Variants in CASP10 observed in about 807,000 individuals in gnomAD.
The protein encoded by CASP10 is caspase 10, also known as caspase-10.
A neutral mutation model predicts 48.5 loss-of-function variants in CASP10; 41 were observed. The observed-to-expected ratio is 0.85, with a 90% CI of 0.66 to 1.10. The LOEUF is 1.10. Among genes scored for constraint, CASP10 ranks in the 50% least tolerant of loss-of-function variants. The pLI is 0.00. For synonymous variants in CASP10, 232 were observed against 238.4 expected, an observed-to-expected ratio of 0.97 and a Z score of 0.25; for missense variants, 614 against 614.5, an observed-to-expected ratio of 1.00 and a Z score of 0.01.
chr2:201,196,518 A>G (rs1436058513), intron 5 of CASP10, among the ~76,000 whole-genome samples: 2 of 152,154 alleles, frequency 1.3e-5, no homozygotes, highest in Non-Finnish European at 2.9e-5. Flanking sequence ...TCTGTTCCTC[A>G]CCATGTGATC....
intron 5 of CASP10, chr2:201,200,601 T>G: frequency 2.0e-6 from 3 of 1,517,686 alleles, no homozygotes; most frequent in Non-Finnish European, 2.6e-6. Flanking sequence ...TCTTCGGCTC[T>G]GCCCTGAACC....
chr2:201,206,034 A>C, intron 7 of CASP10, 61 bp downstream of exon 7: 2 of 1,059,936 alleles, frequency 1.9e-6, no homozygotes, highest in Non-Finnish European at 2.8e-6. Flanking sequence ...AATTTAATCA[A>C]AAGGACGGTT....
intron 6 of CASP10, among the ~76,000 whole-genome samples, chr2:201,204,617 A>G (rs2126039613): frequency 6.6e-6 from 1 of 152,276 alleles, no homozygotes; most frequent in South Asian, 2.1e-4. Context: ...AGTGCTTTGC[A>G]CTGCAGCTAA....
chr2:201,222,220 C>CA (rs1553587367), downstream of CASP10, among the ~76,000 whole-genome samples: 167 of 136,636 alleles, frequency 1.2e-3, no homozygotes, highest in Non-Finnish European at 2.0e-3. Flanking sequence ...TTTATTCATT[C>CA]TTTTTTTTTT....
chr2:201,207,649 C>T (rs920374272), intron 7 of CASP10, among the ~76,000 whole-genome samples: 6 of 151,598 alleles, frequency 4.0e-5, no homozygotes, highest in Non-Finnish European at 7.4e-5. Context: ...CCCAGCTACT[C>T]GGGAGGCTGA....
At chr2:201,205,444 T>A (rs1252205150) in intron 6 of CASP10, among the ~76,000 whole-genome samples, 3 of 152,014 alleles carry the variant, frequency 2.0e-5, no homozygotes, top group Non-Finnish European at 4.4e-5. Flanking sequence ...TTGTCCAGGC[T>A]GGTCTTGAAC....
At chr2:201,217,354 T>G (rs1012674047) in intron 9 of CASP10, among the ~76,000 whole-genome samples, 5 of 152,092 alleles carry the variant, frequency 3.3e-5, no homozygotes, top group Non-Finnish European at 7.4e-5. Flanking sequence ...TCACCTGAGG[T>G]CAGGGGTTCG....
chr2:201,225,947 TAGAG>T (rs1945782599), downstream of CASP10, among the ~76,000 whole-genome samples: 1 of 152,008 alleles, frequency 6.6e-6, no homozygotes, highest in Non-Finnish European at 1.5e-5. Flanking sequence ...GCCTGGGTGA[TAGAG>T]TGAGACTCTG....
chr2:201,203,367 C>T (rs557824137), intron 5 of CASP10, among the ~76,000 whole-genome samples: 152 of 149,880 alleles, frequency 1.0e-3, no homozygotes, highest in Middle Eastern at 3.4e-3. Flanking sequence ...AGTGCAGTTG[C>T]GCAATCTCGG....
chr2:201,185,773 T>C lies in CASP10; in HGVS notation c.-5T>C. 6.2e-7 allele frequency: 1 copy of C among 1,606,236 alleles called. No individual in the cohort carries two copies. Among genetic ancestry groups the C allele is most frequent in the Non-Finnish European group, 8.5e-7 (1 of 1,172,856 alleles). ...CCCCACCTCTCTGTCCCTTTCAGGC[T>C]GGCCATGAAATCTCAAGGTCAACAT... On this transcript the variant is annotated splice_region_variant and 5_prime_UTR_variant, in exon 2 of 10. Transcript: ENST00000286186.
rs932312616 is a variant in CASP10 at position 201,219,347 on chromosome 2, A to G, written c.*1606A>G. 1 of 675,654 alleles carries G rather than the reference A, an allele frequency of 1.5e-6. No homozygotes were observed. Among genetic ancestry groups the G allele is most frequent in the African/African-American group, 2.0e-5 (1 of 51,042 alleles). 41.9% of individuals were successfully genotyped at this position (675,654 alleles called of 1,614,324 possible). On this transcript the variant is annotated 3_prime_UTR_variant, in exon 10 of 10. Coordinates refer to ENST00000286186, the MANE Select transcript of CASP10 (RefSeq NM_032977.4). ...ACCCAATTCAAATTGACTGAAGCAA[A>G]GAAGGGAATTTATTGCCTCTTTCAC...
At chr2:201,201,802 A>AT (rs202153576) in intron 5 of CASP10, among the ~76,000 whole-genome samples, 58 of 150,870 alleles carry the variant, frequency 3.8e-4, no homozygotes, top group Middle Eastern at 3.4e-3. Flanking sequence ...GCACCTGAGG[A>AT]TTTTTTTTTT....
intron 9 of CASP10, among the ~76,000 whole-genome samples, chr2:201,210,108 G>C (rs1945347857): frequency 6.6e-6 from 1 of 152,206 alleles, no homozygotes; most frequent in Non-Finnish European, 1.5e-5. Context: ...CAAAAGCATG[G>C]GGGCCTTTTA....
chr2:201,197,583 C>G (rs2126026134), intron 5 of CASP10, among the ~76,000 whole-genome samples: 1 of 152,284 alleles, frequency 6.6e-6, no homozygotes, highest in South Asian at 2.1e-4. Context: ...TCACTGCACT[C>G]CAGCTTGGGC....
intron 2 of CASP10, 39 bp downstream of exon 2, chr2:201,186,163 ATCTAGTGTTCAT>A (rs1944410761): frequency 6.9e-7 from 1 of 1,444,958 alleles, no homozygotes. Flanking sequence ...AGGATCTCCC[ATCTAGTGTTCAT>A]TCTGGCCATT....
intron 9 of CASP10, chr2:201,212,491 T>C (rs1318458450): frequency 6.6e-6 from 1 of 152,142 alleles, no homozygotes; most frequent in Admixed American, 6.5e-5. Flanking sequence ...GGATAAGTAT[T>C]TGTTGAGGCT....
At chr2:201,192,765 TAG>T (rs993210573) in intron 3 of CASP10, among the ~76,000 whole-genome samples, 16 of 152,214 alleles carry the variant, frequency 1.1e-4, no homozygotes, top group Admixed American at 2.0e-4. Context: ...CCCTGTTGCA[TAG>T]AGTTATATAT....
At chr2:201,206,077 T>C in intron 7 of CASP10, 104 bp downstream of exon 7, 1 of 692,676 alleles carries the variant, frequency 1.4e-6, no homozygotes, top group Non-Finnish European at 2.5e-6. Flanking sequence ...GGTCCAGCCT[T>C]CGATGATTTT....
rs1945657745 is a variant in CASP10, at chr2:201,219,147, G to A, written c.*1406G>A. On this transcript the variant is annotated 3_prime_UTR_variant, in exon 10 of 10. Coordinates refer to ENST00000286186, the MANE Select transcript of CASP10 (RefSeq NM_032977.4). ...TAGCCAGGTGTGGCGGCGAGCACCT[G>A]TAATCCCAGCTACTCGGGAGGCTGA... is the stretch of plus-strand genomic sequence containing the variant. 4.2e-6 allele frequency: 1 copy of A among 237,220 alleles called. No homozygotes were observed. Among genetic ancestry groups the A allele is most frequent in the Non-Finnish European group, 6.9e-6 (1 of 145,806 alleles). The allele number at this position is 237,220 out of a possible 1,614,324, so 14.7% of individuals were successfully genotyped here. A position where few individuals can be genotyped will look rare whatever the true frequency, so the allele number is the denominator to read the frequency against.
Sources: gnomAD v4.1 joint callset for allele counts (sites outside exome capture counted in the v4.1 genomes callset) on GRCh38, gnomAD v4.1.1 for gene constraint, MANE v1.5 for transcripts, NCBI Gene and HGNC (gene_info 2026-07-23, HGNC 2026-07-21) for gene names.